IQCH: variants seen among roughly 807,000 people sequenced by gnomAD.
IQCH encodes IQ domain-containing protein H.
In IQCH, 98 loss-of-function variants were observed where a neutral mutation model predicts 117.0. The observed-to-expected ratio is 0.84, with a 90% CI of 0.71 to 0.99. The LOEUF (loss-of-function observed/expected upper bound fraction) is 0.99. Ranked by LOEUF, IQCH falls within the 50% of genes least tolerant of loss-of-function variation. The pLI is 0.00. For synonymous variants in IQCH, 412 were observed against 448.2 expected (o/e 0.92, Z 1.02); for missense variants, 1,102 against 1,243.8 (o/e 0.89, Z 1.72).
chr15:67,369,429 G>A lies in IQCH; in HGVS notation c.754-2682G>A, dbSNP rs768764309. Among the ~76,000 whole-genome samples, 2 of 151,392 alleles carry A rather than the reference G, an allele frequency of 1.3e-5. No homozygotes were observed. Among genetic ancestry groups the A allele is most frequent in the African/African-American group, 4.9e-5 (2 of 41,174 alleles). ...GGAAAAAAAAATTGCCGTCAAGTCA[G>A]TAATATCATATTGGGAGTACAGCAC... On this transcript the variant is annotated intron_variant, in intron 8 of 20. Coordinates refer to ENST00000335894, the MANE Select transcript of IQCH (RefSeq NM_001031715.3). This position sits in a 1 kb window ranked among gnomAD's most constrained non-coding sequence, Gnocchi z 5.2.
Position 67,465,646 on chromosome 15 carries a change from G to A in IQCH, c.2676+349G>A, listed in dbSNP as rs767048529. ...CTCTTTTGTGAGCTTCAGATTCATG[G>A]GTCCAAAATTCTATAGAACATCTCT... On this transcript the variant is annotated intron_variant, in intron 17 of 20. Coordinates refer to ENST00000335894, the MANE Select transcript of IQCH (RefSeq NM_001031715.3). This position sits in a 1 kb window ranked among gnomAD's most constrained non-coding sequence, Gnocchi z 5.9. Among the ~76,000 whole-genome samples, 2 of 152,054 alleles carry A rather than the reference G, an allele frequency of 1.3e-5. No homozygotes were observed. The highest frequency in any genetic ancestry group is 2.9e-5 in the Non-Finnish European group (2 of 68,008).
In IQCH at chr15:67,421,510, G is replaced by C. The variant is rs768202192; in HGVS notation, c.2438G>C (p.Arg813Thr). The change falls in exon 16 of 21, where the codon AGA becomes ACA. Residue 813 changes from arginine (R) to threonine (T), a missense_variant. By Grantham distance (71) the Arg-to-Thr change is moderately conservative. This residue lies in a region of IQCH where 650 missense variants were observed against 794.3 expected (regional missense o/e 0.82). Coordinates refer to ENST00000335894, the MANE Select transcript of IQCH (RefSeq NM_001031715.3). ...CLQIGKACRMRDVVGYFSIDL... is the reference protein window; with the variant it reads ...CLQIGKACRMTDVVGYFSIDL... ...CAAATTGGAAAAGCCTGCAGAATGA[G>C]AGATGTGGTTGGTTACTTTTCGATA... 6.2e-7 allele frequency: 1 copy of C among 1,614,194 alleles called. No homozygotes were observed. Among genetic ancestry groups the C allele is most frequent in the South Asian group, 1.1e-5 (1 of 91,088 alleles).
rs1191368807 is a variant in IQCH, at chr15:67,359,594, TA to T, written c.715-252del. On this transcript the variant is annotated intron_variant, in intron 7 of 20. Transcript: ENST00000335894. The surrounding 1 kb of genome is among the most constrained non-coding windows in gnomAD (Gnocchi z 4.5). ...CTAGAAGTGGGACTTGGCATCTGAT[TA>T]TAGTTGTTTTTGTAAATATTTACTT... 3.9e-5 allele frequency among the ~76,000 whole-genome samples: 6 copies of T among 152,328 alleles called. No individual in the cohort carries two copies. The highest frequency in any genetic ancestry group is 6.8e-3 in the Middle Eastern group (2 of 294).
chr15:67,388,922 C>T lies in IQCH; in HGVS notation c.1548C>T (p.Ala516=), dbSNP rs545337931. The T allele has an allele frequency of 2.1e-5, 34 of 1,613,656 alleles. No individual in the cohort carries two copies. The East Asian group carries it at 4.7e-4, about 22-fold the overall frequency. ...AAAAAATCCTAAGTCTACATGCAGC[C>T]GTCAAATCTGGGAACCTTGAGGACA... ...YYKKILSLHA[A]VKSGNLEDRS... is the part of the protein sequence containing the mutation. The change falls in exon 12 of 21, where the codon GCC becomes GCT. Residue 516 remains alanine, a synonymous_variant. Coordinates refer to ENST00000335894, the MANE Select transcript of IQCH (RefSeq NM_001031715.3). The surrounding 1 kb of genome is among the most constrained non-coding windows in gnomAD (Gnocchi z 5.5).
intron 15 of IQCH, 39 bp from the exon 16 acceptor site, chr15:67,421,252 G>A: frequency 1.9e-6 from 3 of 1,563,400 alleles, no homozygotes; most frequent in Non-Finnish European, 2.6e-6. Flanking sequence ...CAAACAAAAT[G>A]CATGTGTCCT....
chr15:67,418,137 G>C (rs1162099879), intron 15 of IQCH, among the ~76,000 whole-genome samples: 1 of 152,138 alleles, frequency 6.6e-6, no homozygotes, highest in African/African-American at 2.4e-5. Context: ...CTAACACGTA[G>C]AAGAGCCCAT....
At chr15:67,262,322 G>T (rs1036627565) in intron 2 of IQCH, among the ~76,000 whole-genome samples, 3 of 152,116 alleles carry the variant, frequency 2.0e-5, no homozygotes, top group Non-Finnish European at 2.9e-5. Flanking sequence ...AGCTAATGGG[G>T]TCCATCTTCC....
At chr15:67,301,991 C>T (rs948466997) in intron 4 of IQCH, among the ~76,000 whole-genome samples, 1 of 152,078 alleles carries the variant, frequency 6.6e-6, no homozygotes, top group Non-Finnish European at 1.5e-5. Context: ...CAGAATTTAA[C>T]AATAGGCAGA....
intron 17 of IQCH, among the ~76,000 whole-genome samples, chr15:67,469,906 C>G (rs2083026220): frequency 1.3e-5 from 2 of 152,208 alleles, no homozygotes. Context: ...GTGACACATT[C>G]CAACCTGCCT....
In IQCH at chr15:67,433,736, A is replaced by G. The variant is rs754193322; in HGVS notation, c.2505+12159A>G. ...CAGGTACTACATTTCTGCAGGACTC[A>G]GGAGGGCAGGAGGTAGGAAAAAAGG... On this transcript the variant is annotated intron_variant, in intron 16 of 20. Coordinates refer to ENST00000335894, the MANE Select transcript of IQCH (RefSeq NM_001031715.3). This position sits in a 1 kb window ranked among gnomAD's most constrained non-coding sequence, Gnocchi z 5.4. 1.1e-4 allele frequency among the ~76,000 whole-genome samples: 16 copies of G among 152,326 alleles called. No individual in the cohort carries two copies. Among genetic ancestry groups the G allele is most frequent in the Admixed American group, 3.3e-4 (5 of 15,300 alleles).
chr15:67,380,423 T>C (rs1460679859), intron 10 of IQCH, among the ~76,000 whole-genome samples: 1 of 152,236 alleles, frequency 6.6e-6, no homozygotes, highest in Non-Finnish European at 1.5e-5. Flanking sequence ...AACTGGCAAT[T>C]GATATACTAT....
At chr15:67,437,803 A>G (rs2082174183) in intron 16 of IQCH, among the ~76,000 whole-genome samples, 1 of 152,210 alleles carries the variant, frequency 6.6e-6, no homozygotes, top group South Asian at 2.1e-4. Flanking sequence ...AGAAATTCAG[A>G]GCTTGAAGAC....
At chr15:67,268,906 C>CA (rs1355829229) in intron 3 of IQCH, among the ~76,000 whole-genome samples, 3 of 147,308 alleles carry the variant, frequency 2.0e-5, no homozygotes, top group African/African-American at 7.6e-5. Context: ...CTTTTTAAAA[C>CA]AAAAAAACAA....
intron 4 of IQCH, among the ~76,000 whole-genome samples, chr15:67,316,747 C>G (rs1284741728): frequency 6.6e-6 from 1 of 152,106 alleles, no homozygotes; most frequent in Non-Finnish European, 1.5e-5. Context: ...ATAAAATTCA[C>G]CCAAAGTCAT....
intron 6 of IQCH, among the ~76,000 whole-genome samples, chr15:67,349,458 A>G (rs1405186320): frequency 1.3e-5 from 2 of 152,134 alleles, no homozygotes; most frequent in East Asian, 3.8e-4. Flanking sequence ...GTCTCTACTA[A>G]AAATACAAAA....
intron 4 of IQCH, among the ~76,000 whole-genome samples, chr15:67,329,821 TAC>T (rs35445898): frequency 0.015 from 2,171 of 148,926 alleles, 26 homozygotes; most frequent in Non-Finnish European, 0.023. Context: ...GAGTGAATTA[TAC>T]ACACACACAC....
At chr15:67,333,837 G>T (rs1341133959) in intron 4 of IQCH, among the ~76,000 whole-genome samples, 1 of 152,050 alleles carries the variant, frequency 6.6e-6, no homozygotes, top group Non-Finnish European at 1.5e-5. Flanking sequence ...CAGTAGGATG[G>T]CTTGAGCTCA....
chr15:67,305,901 A>G (rs1228076233), intron 4 of IQCH, among the ~76,000 whole-genome samples: 2 of 152,076 alleles, frequency 1.3e-5, no homozygotes, highest in Admixed American at 1.3e-4. Flanking sequence ...AGTGCCTTGG[A>G]TGTTGTATCT....
chr15:67,331,037 A>G (rs1271801661), intron 4 of IQCH, among the ~76,000 whole-genome samples: 1 of 152,190 alleles, frequency 6.6e-6, no homozygotes, highest in Non-Finnish European at 1.5e-5. Context: ...AGATAATGGG[A>G]GAGGAGATTC....
Sources: gnomAD v4.1 joint callset for allele counts (sites outside exome capture counted in the v4.1 genomes callset) on GRCh38, gnomAD v4.1.1 for gene constraint, gnomAD v4.1.1 regional missense constraint, Gnocchi (gnomAD v3.1) non-coding constraint, MANE v1.5 for transcripts, NCBI Gene and HGNC (gene_info 2026-07-23, HGNC 2026-07-21) for gene names.